Variants in NXPH2 observed in about 807,000 individuals in gnomAD.
The protein encoded by NXPH2 is neurexophilin 2.
A neutral mutation model predicts 19.8 loss-of-function variants in NXPH2; 5 were observed. The observed-to-expected ratio is 0.25, with a 90% confidence interval of 0.13 to 0.53. The LOEUF is 0.53. NXPH2 is among the 20% of genes least tolerant of loss of function. The pLI is 0.96. For synonymous variants in NXPH2, 154 were observed against 127.4 expected (o/e 1.21, Z -1.41); for missense variants, 289 against 322.8 (o/e 0.90, Z 0.80).
At chr2:138,753,453 T>C (rs1681856277) in intron 1 of NXPH2, among the ~76,000 whole-genome samples, 1 of 152,140 alleles carries the variant, frequency 6.6e-6, no homozygotes, top group Non-Finnish European at 1.5e-5. Flanking sequence ...CAAGAAGCCT[T>C]AATTCTTTTC....
chr2:138,670,866 C>G lies in NXPH2; in HGVS notation c.*56G>C. 6.5e-7 allele frequency: 1 copy of G among 1,534,482 alleles called. No individual in the cohort carries two copies. The highest frequency in any genetic ancestry group is 8.8e-7 in the Non-Finnish European group (1 of 1,137,220). On this transcript the variant is annotated 3_prime_UTR_variant, in exon 2 of 2. Transcript: ENST00000272641. ...TTATCATAAAGAGCTGGGCTTGTTT[C>G]TTTGTCATTCTAATCAAATACATAT...
intron 1 of NXPH2, among the ~76,000 whole-genome samples, chr2:138,679,741 C>T (rs1354557541): frequency 1.3e-5 from 2 of 152,090 alleles, no homozygotes; most frequent in Non-Finnish European, 2.9e-5. Context: ...CAAGAAGAGA[C>T]TAGGTGACAT....
At chr2:138,764,673 C>G (rs927199713) in intron 1 of NXPH2, among the ~76,000 whole-genome samples, 4 of 152,098 alleles carry the variant, frequency 2.6e-5, no homozygotes, top group Admixed American at 6.6e-5. Flanking sequence ...ATGATGGTCA[C>G]AAATTATATA....
chr2:138,771,855 G>T (rs1323621235), intron 1 of NXPH2, among the ~76,000 whole-genome samples: 3 of 152,070 alleles, frequency 2.0e-5, no homozygotes, highest in Admixed American at 1.3e-4. Context: ...CTGGCAAAGT[G>T]CCTCCCCAAA....
chr2:138,768,140 C>A (rs1348172853), intron 1 of NXPH2, among the ~76,000 whole-genome samples: 2 of 152,154 alleles, frequency 1.3e-5, no homozygotes, highest in Non-Finnish European at 2.9e-5. Flanking sequence ...ACTAATTGGG[C>A]ATTTTAAAAA....
intron 1 of NXPH2, among the ~76,000 whole-genome samples, chr2:138,746,554 GC>G (rs1351876642): frequency 2.6e-5 from 4 of 152,150 alleles, no homozygotes; most frequent in Non-Finnish European, 5.9e-5. Flanking sequence ...TTCTTGGTAG[GC>G]CCAGCTTCCC....
intron 1 of NXPH2, among the ~76,000 whole-genome samples, chr2:138,747,006 C>G (rs1681747386): frequency 6.6e-6 from 1 of 152,050 alleles, no homozygotes; most frequent in Non-Finnish European, 1.5e-5. Flanking sequence ...GATAACAACC[C>G]AAATCAAGGT....
At chr2:138,675,741 G>A (rs1239702487) in intron 1 of NXPH2, among the ~76,000 whole-genome samples, 2 of 152,004 alleles carry the variant, frequency 1.3e-5, no homozygotes, top group African/African-American at 4.8e-5. Context: ...TTCCCTATAT[G>A]AGAATTTGAA....
intron 1 of NXPH2, among the ~76,000 whole-genome samples, chr2:138,685,753 G>T (rs112123523): frequency 4.6e-5 from 7 of 152,148 alleles, no homozygotes; most frequent in African/African-American, 1.4e-4. Context: ...TTGAACCAAA[G>T]TAAGCTGGGG....
At chr2:138,777,831 T>TAAAAAAAAAAAAAAAAA (rs11299940) in intron 1 of NXPH2, among the ~76,000 whole-genome samples, 2 of 92,946 alleles carry the variant, frequency 2.2e-5, no homozygotes, top group Admixed American at 1.4e-4. Context: ...ACCAAAAAAT[T>TAAAAAAAAAAAAAAAAA]AAAAAAAAAA....
chr2:138,759,785 A>G (rs1019409991), intron 1 of NXPH2, among the ~76,000 whole-genome samples: 5 of 142,200 alleles, frequency 3.5e-5, no homozygotes, highest in Non-Finnish European at 4.5e-5. Context: ...GCTGGAGTGC[A>G]GTAGCGCAAT....
At chr2:138,735,254 T>C (rs545188972) in intron 1 of NXPH2, among the ~76,000 whole-genome samples, 4 of 152,268 alleles carry the variant, frequency 2.6e-5, no homozygotes, top group Admixed American at 1.3e-4. Flanking sequence ...GATGGTGTTG[T>C]ATTAATCTGT....
At chr2:138,677,273 C>T (rs950121896) in intron 1 of NXPH2, among the ~76,000 whole-genome samples, 1 of 152,120 alleles carries the variant, frequency 6.6e-6, no homozygotes, top group Non-Finnish European at 1.5e-5. Flanking sequence ...CATTTAACCT[C>T]AAGCATAAAA....
At chr2:138,726,835 G>T (rs1681368288) in intron 1 of NXPH2, among the ~76,000 whole-genome samples, 1 of 151,996 alleles carries the variant, frequency 6.6e-6, no homozygotes, top group Non-Finnish European at 1.5e-5. Flanking sequence ...GTTTACTTCT[G>T]GTATTGTACA....
chr2:138,719,058 G>T (rs1195904410), intron 1 of NXPH2, among the ~76,000 whole-genome samples: 1 of 152,118 alleles, frequency 6.6e-6, no homozygotes, highest in Admixed American at 6.5e-5. Flanking sequence ...TATTCCTGGG[G>T]AGAGAATTAG....
At chr2:138,731,755 T>C (rs923869811) in intron 1 of NXPH2, among the ~76,000 whole-genome samples, 2 of 152,008 alleles carry the variant, frequency 1.3e-5, no homozygotes, top group African/African-American at 4.8e-5. Flanking sequence ...AGCATTCATT[T>C]ATATAGCAAG....
intron 1 of NXPH2, among the ~76,000 whole-genome samples, chr2:138,700,333 A>G (rs1218582408): frequency 6.6e-6 from 1 of 152,192 alleles, no homozygotes; most frequent in Non-Finnish European, 1.5e-5. Context: ...TAAAAAATAA[A>G]CCTTAACTAT....
intron 1 of NXPH2, among the ~76,000 whole-genome samples, chr2:138,732,620 C>T (rs889401828): frequency 2.0e-5 from 3 of 152,166 alleles, no homozygotes; most frequent in Non-Finnish European, 4.4e-5. Flanking sequence ...CCTGACTTGT[C>T]ACCTTGGCTT....
intron 1 of NXPH2, among the ~76,000 whole-genome samples, chr2:138,697,357 A>T (rs919868107): frequency 6.6e-5 from 10 of 152,154 alleles, no homozygotes; most frequent in Non-Finnish European, 1.2e-4. Context: ...AAGCTTATTA[A>T]AAATTTGAAA....
Sources: allele counts gnomAD v4.1 joint callset (sites outside exome capture counted in the v4.1 genomes callset), GRCh38; gene constraint gnomAD v4.1.1; transcripts MANE v1.5; gene names NCBI Gene and HGNC (gene_info 2026-07-23, HGNC 2026-07-21).